Variants in EFHC1 observed in about 807,000 individuals in gnomAD.
EFHC1 encodes the protein EF-hand domain containing 1.
In EFHC1, 53 loss-of-function variants were observed where a neutral mutation model predicts 69.9. The observed-to-expected ratio is 0.76, with a 90% CI of 0.61 to 0.95. The LOEUF (loss-of-function observed/expected upper bound fraction) is 0.95, where lower values mean the gene tolerates loss of function less well. EFHC1 is among the 40% of genes least tolerant of loss of function. The probability of loss-of-function intolerance (pLI) is 0.00; values close to 1 mark genes in which losing one functional copy is unlikely to be tolerated. For synonymous variants in EFHC1, 256 were observed against 278.4 expected (o/e 0.92, Z 0.80); for missense variants, 739 against 798.7 (o/e 0.93, Z 0.90).
intron 2 of EFHC1, among the ~76,000 whole-genome samples, chr6:52,433,647 G>T (rs1764463942): frequency 6.6e-6 from 1 of 152,182 alleles, no homozygotes; most frequent in Non-Finnish European, 1.5e-5. Flanking sequence ...TTTTTGTGCT[G>T]GTTGGTCTCC....
At position 52,479,127 on chromosome 6, in the gene EFHC1, C is replaced by T. The variant is rs373196171; in HGVS notation, c.1369C>T (p.Arg457Cys). 77 of 1,614,122 alleles carry T rather than the reference C, an allele frequency of 4.8e-5. 1 individual carries two copies. In the African/African-American group the frequency reaches 4.9e-4, roughly 10 times the overall value. The change falls in exon 8 of 11, where the codon CGC becomes TGC. Residue 457 changes from arginine to cysteine, a missense_variant. Arg to Cys is a radical substitution (Grantham distance 180). Coordinates refer to ENST00000371068, the MANE Select transcript of EFHC1 (RefSeq NM_018100.4). ...GATCAGTATCTTTGAGCCTCCTGTTCGCAATTCTGGTATCATTGGGGGCAA... is the reference window on the plus strand; with the variant it reads ...GATCAGTATCTTTGAGCCTCCTGTTTGCAATTCTGGTATCATTGGGGGCAA... ...DMISIFEPPV[R>C]NSGIIGGKYL...
At chr6:52,455,995 A>T (rs1765035822) in intron 5 of EFHC1, among the ~76,000 whole-genome samples, 1 of 152,238 alleles carries the variant, frequency 6.6e-6, no homozygotes, top group Admixed American at 6.5e-5. Context: ...ATATAATGCT[A>T]TAACACATGC....
Position 52,423,948 on chromosome 6 carries a change from A to G in EFHC1, c.66A>G (p.Lys22=), listed in dbSNP as rs1286302392. 2.3e-5 allele frequency: 37 copies of G among 1,614,076 alleles called. No homozygotes were observed. The Middle Eastern group carries it at 4.9e-4, about 22-fold the overall frequency. Residue 22 remains lysine (K), a splice_region_variant and synonymous_variant, in exon 2 of 11, where the codon AAA becomes AAG. Transcript: ENST00000371068. ...LPGTSFKDST[K]TAFHRSQTLS... ...TGACACATTCTTTTCTTCTTCAGAA[A>G]ACAGCCTTCCACAGAAGTCAGACGC...
chr6:52,455,073 C>T (rs542125415), intron 5 of EFHC1, among the ~76,000 whole-genome samples: 2 of 152,204 alleles, frequency 1.3e-5, no homozygotes, highest in East Asian at 1.9e-4. Flanking sequence ...GCCTGGGCAA[C>T]AGTGAGATCC....
rs1039331601 is a variant in EFHC1, at chr6:52,495,251, C to G, written c.*2910C>G. On this transcript the variant is annotated 3_prime_UTR_variant, in exon 11 of 11. Coordinates refer to ENST00000371068, the MANE Select transcript of EFHC1 (RefSeq NM_018100.4). ...CCTTTAGACTGTTTCAGGGGAGAACCAGGTACCCCAAATCTTATGCTCTCC... is the reference window on the plus strand; with the variant it reads ...CCTTTAGACTGTTTCAGGGGAGAACGAGGTACCCCAAATCTTATGCTCTCC... 5 of 453,940 alleles carry G rather than the reference C, an allele frequency of 1.1e-5. No homozygotes were observed. The highest frequency in any genetic ancestry group is 2.2e-5 in the Non-Finnish European group (5 of 226,778). 28.1% of individuals were successfully genotyped at this position (453,940 alleles called of 1,614,324 possible).
chr6:52,421,047 C>T lies in EFHC1; in HGVS notation c.63+574C>T, dbSNP rs562629045. On this transcript the variant is annotated intron_variant, in intron 1 of 10. Transcript: ENST00000371068. ...TTCCTGTTTTGTATGTATATCGATT[C>T]CGCTCCTCTTCTTTCCGCCAGGTCT... The T allele has an allele frequency of 1.4e-5, 14 of 996,012 alleles. No homozygotes were observed. The South Asian group carries it at 5.5e-4, about 39-fold the overall frequency. The allele number at this position is 996,012 out of a possible 1,614,324, so 61.7% of individuals were successfully genotyped here. A position where few individuals can be genotyped will look rare whatever the true frequency, so the allele number is the denominator to read the frequency against.
intron 5 of EFHC1, among the ~76,000 whole-genome samples, chr6:52,456,686 G>A (rs1050971002): frequency 6.6e-6 from 1 of 152,120 alleles, no homozygotes; most frequent in Non-Finnish European, 1.5e-5. Flanking sequence ...GGCCAAGGTG[G>A]GAGGATCACC....
chr6:52,422,236 T>A (rs1176266372), intron 1 of EFHC1, among the ~76,000 whole-genome samples: 1 of 152,138 alleles, frequency 6.6e-6, no homozygotes, highest in African/African-American at 2.4e-5. Flanking sequence ...TATGGCTGAA[T>A]GATGGTAGAG....
intron 5 of EFHC1, among the ~76,000 whole-genome samples, chr6:52,458,038 C>T (rs1765082559): frequency 6.6e-6 from 1 of 152,044 alleles, no homozygotes; most frequent in South Asian, 2.1e-4. Context: ...AACAAATTGT[C>T]CAGAAATAGA....
intron 5 of EFHC1, among the ~76,000 whole-genome samples, chr6:52,461,916 G>A (rs538617023): frequency 2.6e-5 from 4 of 152,120 alleles, no homozygotes; most frequent in South Asian, 2.1e-4. Flanking sequence ...AAACTTGAAT[G>A]CAGTAATAAC....
In EFHC1 at chr6:52,424,037, T is replaced by C; in HGVS notation, c.155T>C (p.Leu52Pro). The C allele has an allele frequency of 1.2e-6, 2 of 1,614,126 alleles. No individual in the cohort carries two copies. The highest frequency in any genetic ancestry group is 1.7e-6 in the Non-Finnish European group (2 of 1,180,036). Reference protein sequence around the residue: ...RPTVGIGGDRLQFNQLSQAEL... With the variant: ...RPTVGIGGDRPQFNQLSQAEL... ...ACAGTTGGGATAGGCGGAGACCGGC[T>C]CCAGTTCAACCAGCTGTCCCAGGCT... Residue 52 changes from leucine (L) to proline (P), a missense_variant, in exon 2 of 11, where the codon CTC becomes CCC. By Grantham distance (98) the Leu-to-Pro change is moderately conservative (BLOSUM62 -3). Coordinates refer to ENST00000371068, the MANE Select transcript of EFHC1 (RefSeq NM_018100.4).
At chr6:52,432,486 AT>A (rs1242123432) in intron 2 of EFHC1, among the ~76,000 whole-genome samples, 1 of 152,172 alleles carries the variant, frequency 6.6e-6, no homozygotes, top group Non-Finnish European at 1.5e-5. Flanking sequence ...TGAATACAAA[AT>A]TCTTGGCTGA....
chr6:52,448,831 A>T (rs969863668), intron 3 of EFHC1, among the ~76,000 whole-genome samples: 1 of 152,164 alleles, frequency 6.6e-6, no homozygotes, highest in Non-Finnish European at 1.5e-5. Context: ...TGATTTGTGT[A>T]TGTTGAACCA....
chr6:52,449,453 C>A (rs1294219696), intron 3 of EFHC1, among the ~76,000 whole-genome samples: 1 of 151,894 alleles, frequency 6.6e-6, no homozygotes, highest in East Asian at 1.9e-4. Context: ...TCCCTCTGGC[C>A]CTGGGCCTTT....
chr6:52,452,887 T>C, intron 4 of EFHC1, 50 bp downstream of exon 4: 1 of 1,612,488 alleles, frequency 6.2e-7, no homozygotes, highest in South Asian at 1.1e-5. Flanking sequence ...AAATGTGACC[T>C]ACATTTATTG....
chr6:52,441,539 G>A (rs2113982249), intron 3 of EFHC1, among the ~76,000 whole-genome samples: 1 of 152,224 alleles, frequency 6.6e-6, no homozygotes, highest in South Asian at 2.1e-4. Flanking sequence ...GTAACATGAT[G>A]CCTCCAGCTT....
chr6:52,438,270 A>G (rs1764578246), intron 2 of EFHC1, 34 bp from the exon 3 acceptor site: 1 of 1,598,148 alleles, frequency 6.3e-7, no homozygotes, highest in African/African-American at 1.3e-5. Flanking sequence ...ACAAGCTAAT[A>G]GTACACCATT....
At chr6:52,458,590 CA>C (rs1445727821) in intron 5 of EFHC1, among the ~76,000 whole-genome samples, 1 of 152,006 alleles carries the variant, frequency 6.6e-6, no homozygotes, top group Non-Finnish European at 1.5e-5. Flanking sequence ...GCAATCATAC[CA>C]GTCAGAATGG....
At position 52,496,689 on chromosome 6, in the gene EFHC1, CAA is replaced by C. The variant is rs1051759969; in HGVS notation, c.*4352_*4353del. The C allele has an allele frequency of 2.6e-5, 4 of 152,144 alleles. No homozygotes were observed. The highest frequency in any genetic ancestry group is 7.2e-5 in the African/African-American group (3 of 41,426). 9.4% of individuals were successfully genotyped at this position (152,144 alleles called of 1,614,324 possible). The stretch of plus-strand genomic sequence containing the variant: ...ATGAAACCCTTTTGACACAGATGCA[CAA>C]AAAGACTCGGAAGGGTTAACTGCTT... On this transcript the variant is annotated 3_prime_UTR_variant, in exon 11 of 11. Transcript: ENST00000371068.
Sources: gnomAD v4.1 joint callset for allele counts (sites outside exome capture counted in the v4.1 genomes callset) on GRCh38, gnomAD v4.1.1 for gene constraint, MANE v1.5 for transcripts, NCBI Gene and HGNC (gene_info 2026-07-23, HGNC 2026-07-21) for gene names.